The following IPO8 variants were observed in gnomAD, a reference collection of about 807,000 sequenced individuals.
The protein encoded by IPO8 is importin 8, also known as importin-8.
Under a neutral mutation model 141.2 loss-of-function variants are expected in IPO8, and 65 were observed. The ratio of observed to expected loss-of-function variants is 0.46; its 90% confidence interval spans 0.38 to 0.57. The LOEUF (loss-of-function observed/expected upper bound fraction) is 0.57. Among genes scored for constraint, IPO8 ranks in the 20% least tolerant of loss-of-function variants. The pLI, the probability that IPO8 is intolerant of heterozygous loss-of-function variation, is 0.00. For synonymous variants in IPO8, 411 were observed against 420.3 expected, an observed-to-expected ratio of 0.98 and a Z score of 0.27; for missense variants, 980 against 1,246.8, an observed-to-expected ratio of 0.79 and a Z score of 3.22.
intron 13 of IPO8, among the ~76,000 whole-genome samples, chr12:30,664,721 A>G (rs2052936552): frequency 6.6e-6 from 1 of 151,168 alleles, no homozygotes; most frequent in Non-Finnish European, 1.5e-5. Context: ...AAATAAAACC[A>G]GCAGGAAATA....
intron 14 of IPO8, among the ~76,000 whole-genome samples, chr12:30,662,977 T>A (rs2052909995): frequency 6.6e-6 from 1 of 152,158 alleles, no homozygotes; most frequent in African/African-American, 2.4e-5. Context: ...ACGTTCACGT[T>A]CTTCATAAAG....
At chr12:30,670,895 C>A in intron 9 of IPO8, 67 bp downstream of exon 9, 2 of 1,365,256 alleles carry the variant, frequency 1.5e-6, no homozygotes. Flanking sequence ...ATTAGTAATA[C>A]TAACTTTGTC....
In IPO8 at chr12:30,631,910, G is replaced by A. The variant is rs755304953; in HGVS notation, c.3001C>T (p.Arg1001Ter). ...TCTGGCTGACCTGCCACCGTCCGTC[G>A]GTGCTCTGCCAGTGTGTACACCTCC... Reference protein sequence around the residue: ...LQEVYTLAEHRRTVAEAKKKI... With the variant: ...LQEVYTLAEH The change falls in exon 24 of 25, where the codon CGA (arginine) becomes TGA (stop). Residue 1001 changes from arginine (R) to a stop codon, truncating the protein, a stop_gained. Transcript: ENST00000256079. LOFTEE classifies it high-confidence loss of function. The A allele has an allele frequency of 6.2e-6, 10 of 1,610,896 alleles. No individual in the cohort carries two copies. Among genetic ancestry groups the A allele is most frequent in the South Asian group, 3.3e-5 (3 of 90,946 alleles).
intron 6 of IPO8, among the ~76,000 whole-genome samples, chr12:30,675,082 A>G (rs889581750): frequency 2.0e-5 from 3 of 152,248 alleles, no homozygotes; most frequent in African/African-American, 7.2e-5. Flanking sequence ...ACACAAGTGT[A>G]TGTCAAAATT....
intron 1 of IPO8, among the ~76,000 whole-genome samples, chr12:30,694,169 C>T (rs1190121893): frequency 6.6e-6 from 1 of 152,192 alleles, no homozygotes; most frequent in Admixed American, 6.5e-5. Context: ...TCAGCTCCTG[C>T]TTTGTTCTTC....
intron 10 of IPO8, among the ~76,000 whole-genome samples, chr12:30,666,676 T>C (rs1186249557): frequency 6.6e-6 from 1 of 152,138 alleles, no homozygotes; most frequent in Non-Finnish European, 1.5e-5. Context: ...TATACATATA[T>C]ACACACATAA....
intron 1 of IPO8, chr12:30,694,954 A>G: frequency 2.2e-6 from 1 of 455,772 alleles, no homozygotes; most frequent in Non-Finnish European, 4.4e-6. Flanking sequence ...AGCATTCATA[A>G]GAAATTTCTC....
intron 5 of IPO8, chr12:30,676,945 A>G: frequency 6.5e-7 from 1 of 1,531,634 alleles, no homozygotes; most frequent in Non-Finnish European, 8.7e-7. Context: ...GAAAATATTT[A>G]TTTCATTAAA....
chr12:30,634,270 A>G lies in IPO8; in HGVS notation c.2712T>C (p.Asp904=), dbSNP rs375567580. The G allele has an allele frequency of 2.5e-5, 41 of 1,613,092 alleles. No homozygotes were observed. The highest frequency in any genetic ancestry group is 3.3e-5 in the Admixed American group (2 of 59,992). ...GAGCAGTTACATTTGTCTCCTCTTCATCACTTGAAATCTCCTCTGTGAACC... is the reference window on the plus strand; with the variant it reads ...GAGCAGTTACATTTGTCTCCTCTTCGTCACTTGAAATCTCCTCTGTGAACC... ...DMEENEEISS[D]EEETNVTAQA... Residue 904 remains aspartate, a synonymous_variant, in exon 23 of 25, where the codon GAT becomes GAC. Transcript: ENST00000256079.
At chr12:30,683,797 C>A (rs1371741446) in intron 3 of IPO8, among the ~76,000 whole-genome samples, 2 of 152,170 alleles carry the variant, frequency 1.3e-5, no homozygotes, top group African/African-American at 4.8e-5. Context: ...TAATCTATGA[C>A]TGTAAAAAAC....
intron 20 of IPO8, among the ~76,000 whole-genome samples, chr12:30,646,000 A>G (rs2052640744): frequency 6.6e-6 from 1 of 152,202 alleles, no homozygotes; most frequent in African/African-American, 2.4e-5. Context: ...ACGCTTCCCA[A>G]CTCATTCAAT....
intron 4 of IPO8, 66 bp from the exon 5 acceptor site, chr12:30,680,704 TATAAA>T: frequency 1.5e-6 from 2 of 1,300,120 alleles, no homozygotes; most frequent in Non-Finnish European, 2.1e-6. Flanking sequence ...AACAATAAAT[TATAAA>T]ATATTTTTTA....
chr12:30,668,653 G>A (rs1429465181), intron 10 of IPO8, among the ~76,000 whole-genome samples: 1 of 152,118 alleles, frequency 6.6e-6, no homozygotes, highest in African/African-American at 2.4e-5. Flanking sequence ...GAATAAAAGG[G>A]AATAAATCAG....
intron 5 of IPO8, chr12:30,677,060 G>A (rs1340514788): frequency 6.6e-7 from 1 of 1,522,498 alleles, no homozygotes; most frequent in East Asian, 2.5e-5. Flanking sequence ...GCTGTACTGT[G>A]AGTTGCAGAA....
intron 10 of IPO8, among the ~76,000 whole-genome samples, chr12:30,668,641 G>T (rs948642573): frequency 6.6e-6 from 1 of 152,142 alleles, no homozygotes; most frequent in African/African-American, 2.4e-5. Context: ...AATACAAACT[G>T]GGAATAAAAG....
rs772180787 is a variant in IPO8 at position 30,639,665 on chromosome 12, G to GTAC, written c.2336_2338dup (p.Arg779_Thr780insSer). On this transcript the variant is annotated inframe_insertion, in exon 21 of 25. Coordinates refer to ENST00000256079, the MANE Select transcript of IPO8 (RefSeq NM_006390.4). ...AGCAATTGCAACCTGAAGACACATAGTACGAAGCTCACTAGTTTTGACCCC... is the reference window on the plus strand; with the variant it reads ...AGCAATTGCAACCTGAAGACACATAGTACTACGAAGCTCACTAGTTTTGACCCC... 6.2e-7 allele frequency: 1 copy of GTAC among 1,614,120 alleles called. No individual in the cohort carries two copies. The highest frequency in any genetic ancestry group is 8.5e-7 in the Non-Finnish European group (1 of 1,180,008).
intron 20 of IPO8, among the ~76,000 whole-genome samples, chr12:30,645,160 G>A (rs942355238): frequency 1.3e-5 from 2 of 151,660 alleles, no homozygotes; most frequent in African/African-American, 2.4e-5. Flanking sequence ...ATCACCTGAG[G>A]TCAGGAGTTC....
In IPO8 at chr12:30,629,336, A is replaced by G. The variant is rs908013849; in HGVS notation, c.*1524T>C. 1 of 152,258 alleles carries G rather than the reference A, an allele frequency of 6.6e-6. No homozygotes were observed. The allele number at this position is 152,258 out of a possible 1,614,324, so 9.4% of individuals were successfully genotyped here. ...CTTTCGCTTCTAACTGCCAGTTGGC[A>G]CATTCAGCTTCAATGCCTTGGGAAG... On this transcript the variant is annotated 3_prime_UTR_variant, in exon 25 of 25. Coordinates refer to ENST00000256079, the MANE Select transcript of IPO8 (RefSeq NM_006390.4).
intron 20 of IPO8, among the ~76,000 whole-genome samples, chr12:30,641,002 A>G (rs1468277438): frequency 6.6e-6 from 1 of 152,244 alleles, no homozygotes; most frequent in Non-Finnish European, 1.5e-5. Context: ...TAGAAAATAA[A>G]GTTTCATTTT....
Sources: allele counts gnomAD v4.1 joint callset (sites outside exome capture counted in the v4.1 genomes callset), GRCh38; gene constraint gnomAD v4.1.1; transcripts MANE v1.5; gene names NCBI Gene and HGNC (gene_info 2026-07-23, HGNC 2026-07-21).